RAD51B: variants seen among roughly 807,000 people sequenced by gnomAD.
RAD51B encodes DNA repair protein RAD51 homolog 2.
A neutral mutation model predicts 42.2 loss-of-function variants in RAD51B; 38 were observed. That is an observed-to-expected ratio of 0.90 (90% CI 0.70 to 1.18). The LOEUF (loss-of-function observed/expected upper bound fraction) is 1.18, where lower values mean the gene tolerates loss of function less well. Among genes scored for constraint, RAD51B ranks in the 50% most tolerant of loss-of-function variants. RAD51B has a pLI of 0.00. For synonymous variants in RAD51B, 154 were observed against 145.2 expected, an observed-to-expected ratio of 1.06 and a Z score of -0.43; for missense variants, 373 against 400.7, an observed-to-expected ratio of 0.93 and a Z score of 0.59.
chr14:68,237,390 G>A (rs1218683070), intron 7 of RAD51B, among the ~76,000 whole-genome samples: 1 of 152,174 alleles, frequency 6.6e-6, no homozygotes, highest in Non-Finnish European at 1.5e-5. Context: ...GAACTTAGGA[G>A]CCTTAGTTTC....
intron 7 of RAD51B, among the ~76,000 whole-genome samples, chr14:67,910,577 T>C (rs2043944243): frequency 6.6e-6 from 1 of 152,036 alleles, no homozygotes; most frequent in East Asian, 1.9e-4. Context: ...GTAAAGTCAG[T>C]GTCGATGCCT....
chr14:68,458,657 G>A (rs2085765188), intron 9 of RAD51B, among the ~76,000 whole-genome samples: 1 of 150,172 alleles, frequency 6.7e-6, no homozygotes, highest in Non-Finnish European at 1.5e-5. Flanking sequence ...TCTTCCCAGA[G>A]ACTACAATTA....
chr14:68,537,258 GGAGGCCGAGGCGGGCGGATCAC>G (rs2140360320), intron 10 of RAD51B, among the ~76,000 whole-genome samples: 1 of 152,172 alleles, frequency 6.6e-6, no homozygotes, highest in Admixed American at 6.5e-5. Flanking sequence ...CAGCATTTTG[GGAGGCCGAGGCGGGCGGATCAC>G]GAGGCCAGGA....
intron 7 of RAD51B, among the ~76,000 whole-genome samples, chr14:67,892,055 TA>T (rs2043235387): frequency 6.6e-6 from 1 of 152,164 alleles, no homozygotes; most frequent in Admixed American, 6.5e-5. Flanking sequence ...TCTAGAAATG[TA>T]ATTTTTGGTT....
chr14:68,610,005 GT>G (rs1891612952), intron 10 of RAD51B, among the ~76,000 whole-genome samples: 1 of 151,670 alleles, frequency 6.6e-6, no homozygotes. Context: ...TCTCCTCCGC[GT>G]CCACATCTTC....
At chr14:68,064,784 T>G (rs994993735) in intron 7 of RAD51B, among the ~76,000 whole-genome samples, 2 of 152,164 alleles carry the variant, frequency 1.3e-5, no homozygotes, top group Non-Finnish European at 2.9e-5. Flanking sequence ...TTTTATTTCA[T>G]CCACTGAATT....
At chr14:68,356,982 C>CA (rs34774624) in intron 8 of RAD51B, among the ~76,000 whole-genome samples, 18,019 of 92,106 alleles carry the variant, frequency 0.2, 2,535 homozygotes, top group African/African-American at 0.31. Context: ...GACTCCGTCT[C>CA]AAAAAAAAAA....
At chr14:68,610,906 C>A (rs908277368) in intron 10 of RAD51B, 3 of 624,006 alleles carry the variant, frequency 4.8e-6, no homozygotes, top group Non-Finnish European at 8.7e-6. Flanking sequence ...AGTTGTGTAA[C>A]CCTGCAGGCC....
chr14:68,210,074 C>T (rs894807727), intron 7 of RAD51B, among the ~76,000 whole-genome samples: 3 of 151,994 alleles, frequency 2.0e-5, no homozygotes, highest in African/African-American at 7.3e-5. Context: ...ATTTTCCTGC[C>T]TCAGCCTCCT....
intron 10 of RAD51B, among the ~76,000 whole-genome samples, chr14:68,495,470 C>T (rs898912714): frequency 1.3e-5 from 2 of 152,176 alleles, no homozygotes; most frequent in Non-Finnish European, 2.9e-5. Flanking sequence ...TTCTGCATGC[C>T]AGGAAGGCAG....
chr14:68,626,488 G>A (rs1023731021), intron 10 of RAD51B, among the ~76,000 whole-genome samples: 7 of 152,194 alleles, frequency 4.6e-5, no homozygotes, highest in East Asian at 1.9e-4. Context: ...CAGTTGGAAC[G>A]GCTAGGGCTG....
chr14:68,061,072 T>TC (rs2076560395), intron 7 of RAD51B, among the ~76,000 whole-genome samples: 1 of 147,448 alleles, frequency 6.8e-6, no homozygotes, highest in African/African-American at 2.5e-5. Context: ...TTTTTTTTTT[T>TC]TTTTCTTTTC....
intron 10 of RAD51B, among the ~76,000 whole-genome samples, chr14:68,472,868 C>T (rs2086160748): frequency 6.6e-6 from 1 of 152,216 alleles, no homozygotes; most frequent in Non-Finnish European, 1.5e-5. Flanking sequence ...AAGCTATGTG[C>T]CTCATCTTTC....
chr14:68,219,792 A>G (rs553390883), intron 7 of RAD51B, among the ~76,000 whole-genome samples: 58 of 152,310 alleles, frequency 3.8e-4, no homozygotes, highest in African/African-American at 1.3e-3. Flanking sequence ...AACACCCCCA[A>G]AAGATCATAC....
intron 7 of RAD51B, among the ~76,000 whole-genome samples, chr14:67,930,952 G>A (rs965910956): frequency 1.1e-4 from 16 of 142,896 alleles, no homozygotes; most frequent in African/African-American, 2.2e-4. Context: ...ACGGAGTCTC[G>A]CTCTGTTGCC....
chr14:68,479,918 C>T (rs923720223), downstream of RAD51B, among the ~76,000 whole-genome samples: 1 of 151,988 alleles, frequency 6.6e-6, no homozygotes, highest in Non-Finnish European at 1.5e-5. Context: ...ATCTTCCAGG[C>T]TCAAGCCACC....
chr14:68,015,571 C>T (rs1405947011), intron 7 of RAD51B, among the ~76,000 whole-genome samples: 1 of 152,144 alleles, frequency 6.6e-6, no homozygotes, highest in Non-Finnish European at 1.5e-5. Flanking sequence ...TACAGAAGAA[C>T]TGCCCTTTAT....
chr14:67,945,820 A>T (rs1360032522), intron 7 of RAD51B, among the ~76,000 whole-genome samples: 1 of 152,180 alleles, frequency 6.6e-6, no homozygotes. Flanking sequence ...CAGTAAGTGT[A>T]TGGAATGTCT....
chr14:68,413,720 A>G (rs1331496736), intron 9 of RAD51B, among the ~76,000 whole-genome samples: 3 of 152,172 alleles, frequency 2.0e-5, no homozygotes, highest in Admixed American at 6.5e-5. Flanking sequence ...GTCTTATTTT[A>G]TGAAAAACCA....
Sources: gnomAD v4.1 joint callset for allele counts (sites outside exome capture counted in the v4.1 genomes callset) on GRCh38, gnomAD v4.1.1 for gene constraint, MANE v1.5 for transcripts, NCBI Gene and HGNC (gene_info 2026-07-23, HGNC 2026-07-21) for gene names.